The following DST variants were observed in gnomAD, a reference collection of about 807,000 sequenced individuals.
The protein encoded by DST is dystonin.
A neutral mutation model predicts 875.2 loss-of-function variants in DST; 253 were observed. The ratio of observed to expected loss-of-function variants is 0.29; its 90% confidence interval spans 0.26 to 0.32. The LOEUF is 0.32. DST is among the 10% of genes least tolerant of loss of function. The pLI is 1.00. For synonymous variants in DST, 3,124 were observed against 3,197.1 expected (o/e 0.98, Z 0.77); for missense variants, 8,287 against 9,111.6 (o/e 0.91, Z 3.68).
chr6:56,637,896 T>A (rs546817695), intron 22 of DST, among the ~76,000 whole-genome samples: 2 of 152,288 alleles, frequency 1.3e-5, no homozygotes, highest in South Asian at 2.1e-4. Context: ...GCATTGAATA[T>A]CTGGCAACAT....
At chr6:56,759,811 T>C (rs1436504945) in intron 4 of DST, among the ~76,000 whole-genome samples, 1 of 152,154 alleles carries the variant, frequency 6.6e-6, no homozygotes, top group Non-Finnish European at 1.5e-5. Flanking sequence ...ATTAAACAGC[T>C]ACTCCCCATC....
chr6:56,619,034 C>T, intron 36 of DST: 1 of 1,614,216 alleles, frequency 6.2e-7, no homozygotes, highest in Non-Finnish European at 8.5e-7. Context: ...CTGTTGGTCA[C>T]ACTTTTGCTT....
At chr6:56,843,268 G>T in intron 4 of DST, 1 of 1,258,930 alleles carries the variant, frequency 7.9e-7, no homozygotes, top group South Asian at 3.4e-5. Context: ...AGCACGCTGG[G>T]GAGAAGCACG....
intron 94 of DST, 153 bp downstream of exon 94, chr6:56,471,906 G>A (rs1282115800): frequency 2.6e-6 from 2 of 758,178 alleles, no homozygotes; most frequent in African/African-American, 1.7e-5. Context: ...CATACTTGTG[G>A]TATTTATTTT....
intron 2 of DST, among the ~76,000 whole-genome samples, chr6:56,917,730 G>T (rs1801904979): frequency 6.6e-6 from 1 of 152,156 alleles, no homozygotes; most frequent in Non-Finnish European, 1.5e-5. Flanking sequence ...ACCACAGTTT[G>T]ACTTATCATG....
chr6:56,515,611 T>C lies in DST; in HGVS notation c.18415A>G (p.Arg6139Gly). 2 of 1,613,646 alleles carry C rather than the reference T, an allele frequency of 1.2e-6. No individual in the cohort carries two copies. Among genetic ancestry groups the C allele is most frequent in the Non-Finnish European group, 1.7e-6 (2 of 1,179,720 alleles). The stretch of plus-strand genomic sequence containing the variant: ...TGTGCCCGTTCCAGCTGCAGATACC[T>C]TTCTGAATTAATCTGGCAGATGGTA... Reference protein sequence around the residue: ...YDTICQINSERYLQLERAQSL... With the variant: ...YDTICQINSEGYLQLERAQSL... The change falls in exon 72 of 104, where the codon AGG becomes GGG. Residue 6139 changes from arginine (R) to glycine (G), a missense_variant. Around this residue, in one of 10 missense-constraint regions of DST, gnomAD observed 1,292 missense variants for 1,552.7 expected, o/e 0.83. Transcript: ENST00000680361.
intron 9 of DST, among the ~76,000 whole-genome samples, chr6:56,680,455 T>A (rs1484991858): frequency 6.6e-6 from 1 of 152,200 alleles, no homozygotes; most frequent in Non-Finnish European, 1.5e-5. Flanking sequence ...AGGCATTGGT[T>A]ATACAACCAT....
At position 56,494,198 on chromosome 6, in the gene DST, C is replaced by G. The variant is rs945391535; in HGVS notation, c.20224-18G>C. The G allele has an allele frequency of 1.3e-6, 2 of 1,577,132 alleles. No homozygotes were observed. The highest frequency in any genetic ancestry group is 3.6e-5 in the Admixed American group (2 of 55,548). On this transcript the variant is annotated intron_variant, in intron 82 of 103. Coordinates refer to ENST00000680361, the MANE Select transcript of DST (RefSeq NM_001374736.1). ...CAGACTTCCTAAATTGAGATACCCT[C>G]AAGTTATATCACTTTAAGAAAGTAA...
At chr6:56,583,554 C>G (rs2098075024) in intron 49 of DST, among the ~76,000 whole-genome samples, 1 of 152,214 alleles carries the variant, frequency 6.6e-6, no homozygotes, top group Non-Finnish European at 1.5e-5. Context: ...GTTGCCTGTT[C>G]ACTCTGATGG....
At position 56,678,173 on chromosome 6, in the gene DST, C is replaced by A. The variant is rs77759165; in HGVS notation, c.1048-7366G>T. Among the ~76,000 whole-genome samples, 1,307 of 152,346 alleles carry A rather than the reference C, an allele frequency of 8.6e-3. 24 individuals are homozygous for A. Among genetic ancestry groups the A allele is most frequent in the African/African-American group, 0.03 (1,261 of 41,582 alleles). On this transcript the variant is annotated intron_variant, in intron 9 of 103. Coordinates refer to ENST00000680361, the MANE Select transcript of DST (RefSeq NM_001374736.1). ...CATCCCTCAAAGATGTGGCACCTGG[C>A]CGTGTGCCTGGACACCCAAATGCCA...
At chr6:56,625,972 T>TAAA (rs76788667) in intron 34 of DST, among the ~76,000 whole-genome samples, 89 of 74,980 alleles carry the variant, frequency 1.2e-3, no homozygotes, top group African/African-American at 3.1e-3. Flanking sequence ...GTTTAAAAAG[T>TAAA]AAAAAAAAAA....
In DST at chr6:56,614,844, C is replaced by T. The variant is rs142640260; in HGVS notation, c.4930-360G>A. 23 of 995,232 alleles carry T rather than the reference C, an allele frequency of 2.3e-5. 1 individual carries two copies. In the South Asian group the frequency reaches 3.2e-4, roughly 14 times the overall value. The allele number at this position is 995,232 out of a possible 1,614,324, so 61.7% of individuals were successfully genotyped here. A position where few individuals can be genotyped will look rare whatever the true frequency, so the allele number is the denominator to read the frequency against. ...CCTAATTGTCCTGACAAAAAGGTAC[C>T]ATAGAAGGCTGATAGAATAGAGAAC... On this transcript the variant is annotated intron_variant, in intron 36 of 103. Coordinates refer to ENST00000680361, the MANE Select transcript of DST (RefSeq NM_001374736.1).
At chr6:56,943,899 T>G (rs6929284) in intron 2 of DST, among the ~76,000 whole-genome samples, 132,105 of 152,082 alleles carry the variant, frequency 0.87, 57,558 homozygotes, top group East Asian at 1. Context: ...GGTGGATCAC[T>G]TGAAGTCAGG....
chr6:56,931,859 T>C (rs1235451358), intron 2 of DST, among the ~76,000 whole-genome samples: 2 of 152,248 alleles, frequency 1.3e-5, no homozygotes, highest in Non-Finnish European at 2.9e-5. Flanking sequence ...ACTAGCTTGC[T>C]TTTGATTCTA....
intron 3 of DST, among the ~76,000 whole-genome samples, chr6:56,883,100 T>A (rs529593665): frequency 1.3e-5 from 2 of 152,188 alleles, no homozygotes; most frequent in African/African-American, 4.8e-5. Flanking sequence ...ACTCCTGACC[T>A]CAGGTGATCC....
At chr6:56,908,218 T>C (rs1381020462) in intron 2 of DST, among the ~76,000 whole-genome samples, 1 of 152,192 alleles carries the variant, frequency 6.6e-6, no homozygotes, top group Non-Finnish European at 1.5e-5. Flanking sequence ...CTGCTACTTA[T>C]AAAGTCTATA....
At chr6:56,865,787 G>GA (rs1332893559) in intron 3 of DST, among the ~76,000 whole-genome samples, 4 of 152,174 alleles carry the variant, frequency 2.6e-5, no homozygotes, top group African/African-American at 9.7e-5. Context: ...GATGGAGTCT[G>GA]AAAATCTGCT....
At chr6:56,833,418 C>T (rs1331177229) in intron 4 of DST, among the ~76,000 whole-genome samples, 1 of 152,186 alleles carries the variant, frequency 6.6e-6, no homozygotes, top group Non-Finnish European at 1.5e-5. Flanking sequence ...ACAAACTTTC[C>T]AACTCTACTT....
chr6:56,619,421 T>C lies in DST; in HGVS notation c.4930-4937A>G, dbSNP rs753429995. 5 of 1,613,248 alleles carry C rather than the reference T, an allele frequency of 3.1e-6. No individual in the cohort carries two copies. In the South Asian group the frequency reaches 3.3e-5, roughly 11 times the overall value. On this transcript the variant is annotated intron_variant, in intron 36 of 103. Transcript: ENST00000680361. ...TTTGATATTTTGAAGCAACTGCTCA[T>C]GGCTTTTCTCAAATTGTTCTTTTAG...
Sources: allele counts gnomAD v4.1 joint callset (sites outside exome capture counted in the v4.1 genomes callset), GRCh38; gene constraint gnomAD v4.1.1; regional missense constraint gnomAD v4.1.1; transcripts MANE v1.5; gene names NCBI Gene and HGNC (gene_info 2026-07-23, HGNC 2026-07-21).